DHRSX: variants seen among roughly 807,000 people sequenced by gnomAD.
DHRSX encodes the protein polyprenol dehydrogenase.
Under a neutral mutation model 34.0 loss-of-function variants are expected in DHRSX, and 31 were observed. The ratio of observed to expected loss-of-function variants is 0.91; its 90% CI spans 0.69 to 1.23. The LOEUF is 1.23. Among genes scored for constraint, DHRSX ranks in the 50% most tolerant of loss-of-function variants. The pLI, the probability that DHRSX is intolerant of heterozygous loss-of-function variation, is 0.00. For missense variants in DHRSX, 414 were observed against 428.1 expected (o/e 0.97, Z 0.29); for synonymous variants, 201 against 183.8 (o/e 1.09, Z -0.76).
intron 5 of DHRSX, among the ~76,000 whole-genome samples, chrX:2,248,447 A>G (rs2016351152): frequency 2.0e-5 from 3 of 150,470 alleles, no homozygotes; most frequent in South Asian, 4.2e-4. Flanking sequence ...AAAAAAAGAA[A>G]AAAGAAAATA....
intron 3 of DHRSX, among the ~76,000 whole-genome samples, chrX:2,294,826 G>C (rs2041913332): frequency 6.6e-6 from 1 of 151,788 alleles, no homozygotes; most frequent in Non-Finnish European, 1.5e-5. Context: ...GAGGGAGAGA[G>C]AGAGGGAGAA....
chrX:2,488,493 CTCTT>C, intron 1 of DHRSX: 1 of 1,167,174 alleles, frequency 8.6e-7, no homozygotes, highest in South Asian at 1.7e-5. Flanking sequence ...CTTCTCAAAT[CTCTT>C]TCCTTTTTCC....
rs748076253 is a variant in DHRSX, at chrX:2,368,009, G to A, written c.286+40736C>T. On this transcript the variant is annotated intron_variant, in intron 3 of 6. Coordinates refer to ENST00000334651, the MANE Select transcript of DHRSX (RefSeq NM_145177.3). ...TGTAATCCCAGCACTTTGGGAGGCC[G>A]AGGAGGGTGGATCACTTGAGGTCAG... is the stretch of plus-strand genomic sequence containing the variant. Among the ~76,000 whole-genome samples, 6 of 151,938 alleles carry A rather than the reference G, an allele frequency of 3.9e-5. No individual in the cohort carries two copies. In the East Asian group the frequency reaches 5.8e-4, roughly 15 times the overall value.
intron 1 of DHRSX, chrX:2,490,396 G>A (rs3752331): frequency 0.27 from 439,327 of 1,613,508 alleles, 62,574 homozygotes; most frequent in South Asian, 0.32. Flanking sequence ...CGGCCAGCGC[G>A]TCCTGCCCGG....
chrX:2,360,373 AG>A (rs1439559368), intron 3 of DHRSX, among the ~76,000 whole-genome samples: 1 of 152,184 alleles, frequency 6.6e-6, no homozygotes, highest in Admixed American at 6.6e-5. Flanking sequence ...TCACGAGGGC[AG>A]GAGTTCAAGA....
At chrX:2,328,512 A>G (rs2042417166) in intron 3 of DHRSX, among the ~76,000 whole-genome samples, 1 of 151,068 alleles carries the variant, frequency 6.6e-6, no homozygotes, top group Non-Finnish European at 1.5e-5. Context: ...CACCCAGTCT[A>G]TGGTATTCTG....
chrX:2,221,822 A>G (rs2015527451), intron 6 of DHRSX, among the ~76,000 whole-genome samples: 1 of 152,086 alleles, frequency 6.6e-6, no homozygotes, highest in Admixed American at 6.6e-5. Context: ...AACACAGCAC[A>G]CCCTGGTTTT....
chrX:2,288,507 T>C (rs1400796525), intron 4 of DHRSX, among the ~76,000 whole-genome samples: 4 of 152,182 alleles, frequency 2.6e-5, no homozygotes, highest in Admixed American at 6.6e-5. Flanking sequence ...AGTGCTGAGG[T>C]TACAGGCGTG....
intron 3 of DHRSX, among the ~76,000 whole-genome samples, chrX:2,305,782 T>C (rs1041649401): frequency 1.4e-5 from 2 of 146,976 alleles, no homozygotes; most frequent in Non-Finnish European, 3.0e-5. Flanking sequence ...TAAGTGGGAG[T>C]TGAGCAATGA....
chrX:2,474,544 G>C (rs2044644550), intron 1 of DHRSX, among the ~76,000 whole-genome samples: 1 of 151,418 alleles, frequency 6.6e-6, no homozygotes, highest in Non-Finnish European at 1.5e-5. Context: ...CATTCCTTAA[G>C]CATGTGGCCC....
chrX:2,253,598 G>T (rs73183491), intron 5 of DHRSX, among the ~76,000 whole-genome samples: 19,952 of 152,218 alleles, frequency 0.13, 1,827 homozygotes, highest in Non-Finnish European at 0.19. Context: ...AAAACAAAAT[G>T]AAACAAAAAA....
intron 1 of DHRSX, among the ~76,000 whole-genome samples, chrX:2,477,367 A>G (rs2044696173): frequency 6.6e-6 from 1 of 152,182 alleles, no homozygotes; most frequent in Non-Finnish European, 1.5e-5. Flanking sequence ...TCAGCTCGCC[A>G]CACGGGTGAC....
chrX:2,485,183 G>A (rs1288659753), intron 1 of DHRSX, among the ~76,000 whole-genome samples: 2 of 152,072 alleles, frequency 1.3e-5, no homozygotes, highest in South Asian at 2.1e-4. Context: ...GAGAACCGTC[G>A]GGGTTAGGGA....
chrX:2,399,325 C>A (rs1417919801), intron 3 of DHRSX, among the ~76,000 whole-genome samples: 1 of 151,244 alleles, frequency 6.6e-6, no homozygotes, highest in African/African-American at 2.4e-5. Context: ...CAGCCTGACT[C>A]GGGACACTTC....
chrX:2,320,030 T>C (rs1401953052), intron 3 of DHRSX, among the ~76,000 whole-genome samples: 8 of 151,972 alleles, frequency 5.3e-5, no homozygotes, highest in Non-Finnish European at 8.8e-5. Flanking sequence ...GGTTTCACCA[T>C]GTTGGTCAGG....
intron 3 of DHRSX, among the ~76,000 whole-genome samples, chrX:2,335,741 C>T (rs780288825): frequency 8.5e-5 from 13 of 152,088 alleles, no homozygotes; most frequent in African/African-American, 2.4e-4. Context: ...CGTGAGCCAC[C>T]GCACCTGGCC....
intron 3 of DHRSX, among the ~76,000 whole-genome samples, chrX:2,302,869 T>C (rs747825901): frequency 1.8e-4 from 28 of 152,282 alleles, no homozygotes; most frequent in Non-Finnish European, 3.2e-4. Flanking sequence ...TTTTAGTAAT[T>C]CATTTTTATT....
At chrX:2,242,379 CA>C (rs2016161174) in intron 6 of DHRSX, among the ~76,000 whole-genome samples, 1 of 152,040 alleles carries the variant, frequency 6.6e-6, no homozygotes, top group Non-Finnish European at 1.5e-5. Flanking sequence ...ACAAATACAT[CA>C]CGGAATCCAA....
intron 3 of DHRSX, among the ~76,000 whole-genome samples, chrX:2,337,413 G>C (rs2042582349): frequency 6.6e-6 from 1 of 152,136 alleles, no homozygotes; most frequent in African/African-American, 2.4e-5. Context: ...AAGCAAGACA[G>C]GGAGTGATAT....
Sources: allele counts gnomAD v4.1 joint callset (sites outside exome capture counted in the v4.1 genomes callset), GRCh38; gene constraint gnomAD v4.1.1; transcripts MANE v1.5; gene names NCBI Gene and HGNC (gene_info 2026-07-23, HGNC 2026-07-21).